LRP6: variants seen among roughly 807,000 people sequenced by gnomAD.
The protein encoded by LRP6 is low-density lipoprotein receptor-related protein 6.
LRP6 carries 43 observed loss-of-function variants against 184.1 expected under a neutral mutation model. That is an observed-to-expected ratio of 0.23 (90% CI 0.18 to 0.30). LRP6 has a LOEUF of 0.30. Among genes scored for constraint, LRP6 ranks in the 10% least tolerant of loss-of-function variants. The pLI is 1.00. For missense variants in LRP6, 1,571 were observed against 2,005.3 expected (o/e 0.78, Z 4.14); for synonymous variants, 719 against 684.9 (o/e 1.05, Z -0.78).
intron 1 of LRP6, among the ~76,000 whole-genome samples, chr12:12,263,425 A>C (rs1019911307): frequency 1.3e-5 from 2 of 150,808 alleles, no homozygotes; most frequent in Non-Finnish European, 3.0e-5. Context: ...AAATACAAAA[A>C]AATGAGTCCC....
At chr12:12,248,850 T>C (rs946045404) in intron 1 of LRP6, 4 of 265,046 alleles carry the variant, frequency 1.5e-5, no homozygotes, top group Non-Finnish European at 2.9e-5. Context: ...ATATAGAATG[T>C]TCTCCTCATA....
At chr12:12,148,232 A>G (rs995213038) in intron 14 of LRP6, among the ~76,000 whole-genome samples, 12 of 151,988 alleles carry the variant, frequency 7.9e-5, no homozygotes, top group African/African-American at 2.4e-4. Context: ...ATATGTTTTC[A>G]GAATAATACG....
chr12:12,181,372 A>G lies in LRP6; in HGVS notation c.1044T>C (p.Asp348=). Residue 348 remains aspartate (D), a synonymous_variant, in exon 6 of 23, where the codon GAT becomes GAC. Coordinates refer to ENST00000261349, the MANE Select transcript of LRP6 (RefSeq NM_002336.3). ...DLRRISLDTP[D]FTDIVLQLED... ...CTAACTGCAGAACAATGTCTGTAAA[A>G]TCTGGTGTATCCAAAGAAATGCGTC... 6.3e-7 allele frequency: 1 copy of G among 1,593,472 alleles called. No homozygotes were observed.
At chr12:12,169,085 C>T (rs1232273746) in intron 7 of LRP6, among the ~76,000 whole-genome samples, 1 of 151,882 alleles carries the variant, frequency 6.6e-6, no homozygotes, top group South Asian at 2.1e-4. Flanking sequence ...AAAAATTAGC[C>T]GGGAGTGGTG....
At chr12:12,259,595 A>G (rs900079291) in intron 1 of LRP6, among the ~76,000 whole-genome samples, 2 of 152,216 alleles carry the variant, frequency 1.3e-5, no homozygotes, top group Admixed American at 6.5e-5. Flanking sequence ...TTGAACCTTT[A>G]GTGAGAATAC....
chr12:12,203,972 C>T lies in LRP6; in HGVS notation c.450-572G>A, dbSNP rs558277236. On this transcript the variant is annotated intron_variant, in intron 2 of 22. Coordinates refer to ENST00000261349, the MANE Select transcript of LRP6 (RefSeq NM_002336.3). The stretch of plus-strand genomic sequence containing the variant: ...GGATATTTACACCATTTCAATGTAT[C>T]TCCCCACAGATTACTTATTAACAAC... Among the ~76,000 whole-genome samples the T allele has an allele frequency of 4.6e-5, 7 of 152,240 alleles. No individual in the cohort carries two copies. The South Asian group carries it at 1.5e-3, about 32-fold the overall frequency.
intron 7 of LRP6, among the ~76,000 whole-genome samples, chr12:12,177,055 C>G (rs1485721418): frequency 1.3e-5 from 2 of 151,996 alleles, no homozygotes; most frequent in East Asian, 3.9e-4. Flanking sequence ...ACCATGTTGG[C>G]CAGGCTGGTC....
intron 7 of LRP6, among the ~76,000 whole-genome samples, chr12:12,165,817 A>C (rs1395282123): frequency 6.6e-6 from 1 of 152,120 alleles, no homozygotes; most frequent in African/African-American, 2.4e-5. Flanking sequence ...TGTCAGTAAC[A>C]ACAAAAAACA....
chr12:12,160,203 T>C (rs1370056921), intron 10 of LRP6, among the ~76,000 whole-genome samples: 1 of 152,214 alleles, frequency 6.6e-6, no homozygotes, highest in Non-Finnish European at 1.5e-5. Context: ...AATACATTTG[T>C]TCCATCCAAA....
chr12:12,177,601 A>G (rs1219353903), intron 7 of LRP6, among the ~76,000 whole-genome samples: 6 of 152,192 alleles, frequency 3.9e-5, no homozygotes, highest in Non-Finnish European at 7.3e-5. Flanking sequence ...CATCAACATA[A>G]GAAGAGAATA....
intron 2 of LRP6, 33 bp from the exon 3 acceptor site, chr12:12,203,433 A>G: frequency 6.6e-7 from 1 of 1,519,380 alleles, no homozygotes; most frequent in Non-Finnish European, 9.1e-7. Context: ...AAGCCATGAC[A>G]GAGCAGATAT....
In LRP6 at chr12:12,266,814, G is replaced by T; in HGVS notation, c.-79C>A. ...GAGGCGAGGAGCCGGGGCGGCCGCC[G>T]CAGCGGCAGGGCTGCACGCTCATAC... On this transcript the variant is annotated 5_prime_UTR_variant, in exon 1 of 23. The change creates a premature stop within an existing upstream ORF in the 5' untranslated region. Transcript: ENST00000261349. The T allele has an allele frequency of 8.6e-7, 1 of 1,156,998 alleles. No individual in the cohort carries two copies. The highest frequency in any genetic ancestry group is 1.3e-6 in the Non-Finnish European group (1 of 779,278). The allele number at this position is 1,156,998 out of a possible 1,614,324, so 71.7% of individuals were successfully genotyped here.
rs189177384 is a variant in LRP6 at position 12,130,905 on chromosome 12, A to C, written c.3971-12T>G. The C allele has an allele frequency of 3.2e-4, 452 of 1,432,400 alleles. 1 individual carries two copies. In the African/African-American group the frequency reaches 5.6e-3, roughly 18 times the overall value. The allele number at this position is 1,432,400 out of a possible 1,614,324, so 88.7% of individuals were successfully genotyped here. ...AATTAAACAAAGCACTGGAAAAAAA[A>C]CATAAATAGTTTCCTTATTTTTAAT... On this transcript the variant is annotated splice_polypyrimidine_tract_variant and intron_variant, in intron 18 of 22. Transcript: ENST00000261349.
At chr12:12,146,189 A>G (rs1591884185) in intron 15 of LRP6, among the ~76,000 whole-genome samples, 2 of 152,220 alleles carry the variant, frequency 1.3e-5, no homozygotes, top group Non-Finnish European at 2.9e-5. Context: ...ATACACTTAC[A>G]TCGGTCTTTC....
Position 12,196,891 on chromosome 12 carries a change from C to T in LRP6, c.647+6312G>A, listed in dbSNP as rs543431015. Among the ~76,000 whole-genome samples the T allele has an allele frequency of 5.3e-5, 8 of 152,200 alleles. No individual in the cohort carries two copies. The South Asian group carries it at 1.5e-3, about 28-fold the overall frequency. ...TTCTTGTGATGTTAGTAGCCATCGA[C>T]GCTCACCACCTAGACCCATTCGTTC... is the stretch of plus-strand genomic sequence containing the variant. On this transcript the variant is annotated intron_variant, in intron 3 of 22. Coordinates refer to ENST00000261349, the MANE Select transcript of LRP6 (RefSeq NM_002336.3).
rs1302449525 is a variant in LRP6, at chr12:12,267,024, C to A, written c.-289G>T. On this transcript the variant is annotated 5_prime_UTR_variant, in exon 1 of 23. Coordinates refer to ENST00000261349, the MANE Select transcript of LRP6 (RefSeq NM_002336.3). ...GCAGCTCCTCATTCAGCCTCTGCCT[C>A]GCGCAGCGGCGCAGGGATACGGTCG... The A allele has an allele frequency of 8.5e-6, 4 of 469,252 alleles. No homozygotes were observed. Among genetic ancestry groups the A allele is most frequent in the African/African-American group, 8.4e-5 (4 of 47,634 alleles). 29.1% of individuals were successfully genotyped at this position (469,252 alleles called of 1,614,324 possible). A position where few individuals can be genotyped will look rare whatever the true frequency, so the allele number is the denominator to read the frequency against.
chr12:12,149,031 A>G lies in LRP6; in HGVS notation c.3117T>C (p.Asn1039=). Residue 1039 remains asparagine, a synonymous_variant, in exon 14 of 23, where the codon AAT becomes AAC. Transcript: ENST00000261349. ...YWTCEATNVI[N]VTRLDGRSVG... The stretch of plus-strand genomic sequence containing the variant: ...CTGATCTCCCATCTAATCTTGTCAC[A>G]TTAATGACATTGGTAGCCTCACAAG... 1 of 1,613,998 alleles carries G rather than the reference A, an allele frequency of 6.2e-7. No homozygotes were observed. Among genetic ancestry groups the G allele is most frequent in the Non-Finnish European group, 8.5e-7 (1 of 1,179,880 alleles).
chr12:12,214,305 T>A (rs771573500), intron 2 of LRP6, among the ~76,000 whole-genome samples: 44 of 152,186 alleles, frequency 2.9e-4, no homozygotes, highest in Non-Finnish European at 5.0e-4. Flanking sequence ...TCAGTTAATA[T>A]TTACAAGCAC....
intron 2 of LRP6, among the ~76,000 whole-genome samples, chr12:12,222,613 G>A (rs565859925): frequency 1.3e-4 from 20 of 151,440 alleles, no homozygotes; most frequent in Admixed American, 4.6e-4. Context: ...CCATTCTTGC[G>A]GGGGAAATAT....
Sources: allele counts gnomAD v4.1 joint callset (sites outside exome capture counted in the v4.1 genomes callset), GRCh38; gene constraint gnomAD v4.1.1; transcripts MANE v1.5; gene names NCBI Gene and HGNC (gene_info 2026-07-23, HGNC 2026-07-21).